ST6GALNAC5: variants seen among roughly 807,000 people sequenced by gnomAD.
ST6GALNAC5 encodes the protein ST6 N-acetylgalactosaminide alpha-2,6-sialyltransferase 5, also known as alpha-N-acetylgalactosaminide alpha-2,6-sialyltransferase 5.
A neutral mutation model predicts 33.6 loss-of-function variants in ST6GALNAC5; 27 were observed. That is an observed-to-expected ratio of 0.80 (90% CI 0.59 to 1.11). The LOEUF (loss-of-function observed/expected upper bound fraction) is 1.11, where lower values mean the gene tolerates loss of function less well. Ranked by LOEUF, ST6GALNAC5 falls within the 50% of genes least tolerant of loss-of-function variation. ST6GALNAC5 has a pLI of 0.00. For missense variants in ST6GALNAC5, 428 were observed against 454.0 expected, an observed-to-expected ratio of 0.94 and a Z score of 0.52; for synonymous variants, 194 against 171.2, an observed-to-expected ratio of 1.13 and a Z score of -1.04.
In ST6GALNAC5 at chr1:76,868,360, C is replaced by G; in HGVS notation, c.16-137C>G. On this transcript the variant is annotated intron_variant, in intron 1 of 4. Transcript: ENST00000477717. This position sits in a 1 kb window ranked among gnomAD's most constrained non-coding sequence, Gnocchi z 4.3. ...GACGGTGCTTTCTCTGTCCCAGTTG[C>G]GTGCGGCGGGGCTGGGGCCCAGGCC... The G allele has an allele frequency of 7.6e-7, 1 of 1,312,070 alleles. No individual in the cohort carries two copies. The highest frequency in any genetic ancestry group is 1.6e-5 in the South Asian group (1 of 63,882). The allele number at this position is 1,312,070 out of a possible 1,614,324, so 81.3% of individuals were successfully genotyped here. A position where few individuals can be genotyped will look rare whatever the true frequency, so the allele number is the denominator to read the frequency against.
chr1:76,949,376 A>T (rs1270426814), intron 2 of ST6GALNAC5, among the ~76,000 whole-genome samples: 3 of 152,096 alleles, frequency 2.0e-5, no homozygotes, highest in Admixed American at 6.5e-5. Context: ...GCCATCAGAG[A>T]TGTTCCTTGC....
At chr1:77,027,511 A>G (rs1445223239) in intron 2 of ST6GALNAC5, among the ~76,000 whole-genome samples, 2 of 152,194 alleles carry the variant, frequency 1.3e-5, no homozygotes, top group Non-Finnish European at 2.9e-5. Context: ...ACCGAGTTGG[A>G]GTAATTCAGG....
At chr1:77,032,429 C>A (rs1651492315) in intron 2 of ST6GALNAC5, among the ~76,000 whole-genome samples, 1 of 152,126 alleles carries the variant, frequency 6.6e-6, no homozygotes, top group Non-Finnish European at 1.5e-5. Context: ...GGGAAGCAAC[C>A]TGCAGGAAGA....
intron 2 of ST6GALNAC5, among the ~76,000 whole-genome samples, chr1:76,915,267 T>C (rs1420840853): frequency 2.0e-5 from 3 of 151,694 alleles, no homozygotes; most frequent in Non-Finnish European, 2.9e-5. Context: ...AGTTCAACCA[T>C]CGTGGAAGTC....
At chr1:76,998,710 C>T (rs904776724) in intron 2 of ST6GALNAC5, among the ~76,000 whole-genome samples, 3 of 152,152 alleles carry the variant, frequency 2.0e-5, no homozygotes, top group Non-Finnish European at 4.4e-5. Flanking sequence ...CCTGAACCAT[C>T]ATTGAGTAAT....
chr1:76,929,636 G>A (rs1425644022), intron 2 of ST6GALNAC5, among the ~76,000 whole-genome samples: 1 of 152,144 alleles, frequency 6.6e-6, no homozygotes, highest in South Asian at 2.1e-4. Context: ...TACGATAGCT[G>A]CTAGCCACAT....
intron 2 of ST6GALNAC5, among the ~76,000 whole-genome samples, chr1:77,032,966 C>T (rs1030455809): frequency 1.2e-4 from 18 of 152,120 alleles, no homozygotes; most frequent in African/African-American, 4.1e-4. Context: ...CTTGTCGGGC[C>T]ACATTAAATA....
At chr1:76,937,210 C>T (rs1465796026) in intron 2 of ST6GALNAC5, among the ~76,000 whole-genome samples, 1 of 151,598 alleles carries the variant, frequency 6.6e-6, no homozygotes, top group Non-Finnish European at 1.5e-5. Flanking sequence ...CTAAACTGAC[C>T]CTGCAAGTGG....
At chr1:76,928,616 C>G (rs757414390) in intron 2 of ST6GALNAC5, among the ~76,000 whole-genome samples, 1 of 152,038 alleles carries the variant, frequency 6.6e-6, no homozygotes, top group Non-Finnish European at 1.5e-5. Flanking sequence ...GAGTTGGGTA[C>G]GTATTTGGAC....
At chr1:76,978,654 A>T (rs191677095) in intron 2 of ST6GALNAC5, among the ~76,000 whole-genome samples, 1 of 152,358 alleles carries the variant, frequency 6.6e-6, no homozygotes, top group Admixed American at 6.5e-5. Context: ...CATAGGACAA[A>T]TTCATAGCTA....
intron 2 of ST6GALNAC5, among the ~76,000 whole-genome samples, chr1:76,882,653 T>G (rs750476147): frequency 1.3e-5 from 2 of 152,184 alleles, no homozygotes; most frequent in Non-Finnish European, 2.9e-5. Context: ...TGAAATGCAG[T>G]GCCAAATAAT....
chr1:76,982,087 A>G (rs1387621088), intron 2 of ST6GALNAC5, among the ~76,000 whole-genome samples: 1 of 152,194 alleles, frequency 6.6e-6, no homozygotes, highest in African/African-American at 2.4e-5. Context: ...AAATTCTGAA[A>G]ATCAGAGCAC....
intron 2 of ST6GALNAC5, among the ~76,000 whole-genome samples, chr1:76,964,067 T>G (rs986795812): frequency 2.0e-5 from 3 of 152,142 alleles, no homozygotes; most frequent in Non-Finnish European, 2.9e-5. Flanking sequence ...TTTGGAGTCT[T>G]CAGAAAGGAA....
intron 2 of ST6GALNAC5, among the ~76,000 whole-genome samples, chr1:77,008,523 G>A (rs1650509684): frequency 6.6e-6 from 1 of 151,984 alleles, no homozygotes; most frequent in African/African-American, 2.4e-5. Context: ...GTTAGCTAAA[G>A]GCTGTTATCT....
chr1:77,032,737 A>G (rs534245632), intron 2 of ST6GALNAC5, among the ~76,000 whole-genome samples: 2 of 152,178 alleles, frequency 1.3e-5, no homozygotes, highest in Non-Finnish European at 2.9e-5. Flanking sequence ...CACTGTATTT[A>G]TGATTCTGGT....
intron 2 of ST6GALNAC5, among the ~76,000 whole-genome samples, chr1:76,927,051 T>A (rs530403412): frequency 2.0e-5 from 3 of 152,114 alleles, no homozygotes; most frequent in African/African-American, 7.2e-5. Context: ...ATTATAAATA[T>A]ACACTTCATG....
At chr1:76,998,621 A>T (rs557237853) in intron 2 of ST6GALNAC5, among the ~76,000 whole-genome samples, 1 of 152,294 alleles carries the variant, frequency 6.6e-6, no homozygotes, top group Non-Finnish European at 1.5e-5. Context: ...TGCCACTCAC[A>T]TATTGGTATT....
chr1:76,923,024 T>C (rs984378175), intron 2 of ST6GALNAC5, among the ~76,000 whole-genome samples: 4 of 151,612 alleles, frequency 2.6e-5, no homozygotes, highest in Non-Finnish European at 4.4e-5. Flanking sequence ...GTTGGTGCAA[T>C]TGAACATCCA....
chr1:77,018,298 G>GTTAA (rs1169513880), intron 2 of ST6GALNAC5, among the ~76,000 whole-genome samples: 56 of 152,268 alleles, frequency 3.7e-4, no homozygotes, highest in African/African-American at 1.2e-3. Flanking sequence ...CCTACCAACA[G>GTTAA]TTAAGAATCT....
Sources: allele counts gnomAD v4.1 joint callset (sites outside exome capture counted in the v4.1 genomes callset), GRCh38; gene constraint gnomAD v4.1.1; non-coding constraint Gnocchi (gnomAD v3.1); transcripts MANE v1.5; gene names NCBI Gene and HGNC (gene_info 2026-07-23, HGNC 2026-07-21).